SGCD: variants seen among roughly 807,000 people sequenced by gnomAD.
SGCD encodes the protein delta-sarcoglycan.
Under a neutral mutation model 36.6 loss-of-function variants are expected in SGCD, and 18 were observed. The observed-to-expected ratio is 0.49, with a 90% CI of 0.34 to 0.73. The LOEUF is 0.73. Among genes scored for constraint, SGCD ranks in the 30% least tolerant of loss-of-function variants. The probability of loss-of-function intolerance (pLI) is 0.01; values close to 1 mark genes in which losing one functional copy is unlikely to be tolerated. For synonymous variants in SGCD, 133 were observed against 130.6 expected (o/e 1.02, Z -0.12); for missense variants, 387 against 346.7 (o/e 1.12, Z -0.92).
chr5:156,762,822 AGAGGTTTTTGTGG>A lies in SGCD; in HGVS notation c.*3433_*3445del, dbSNP rs1318117577. The A allele has an allele frequency of 6.6e-6, 1 of 152,270 alleles. No individual in the cohort carries two copies. Among genetic ancestry groups the A allele is most frequent in the East Asian group, 1.9e-4 (1 of 5,192 alleles). The allele number at this position is 152,270 out of a possible 1,614,324, so 9.4% of individuals were successfully genotyped here. On this transcript the variant is annotated 3_prime_UTR_variant, in exon 9 of 9. Coordinates refer to ENST00000337851, the MANE Select transcript of SGCD (RefSeq NM_000337.6). Reference sequence around the variant, plus strand: ...GGCAAAGTTTCCTCACCCCTGACCTAGAGGTTTTTGTGGTATGCATTGGATATAGCAGGAAAGA... The same window carrying A: ...GGCAAAGTTTCCTCACCCCTGACCTATATGCATTGGATATAGCAGGAAAGA...
intron 4 of SGCD, among the ~76,000 whole-genome samples, chr5:156,526,522 G>A (rs955808038): frequency 6.6e-6 from 1 of 152,174 alleles, no homozygotes; most frequent in Admixed American, 6.6e-5. Flanking sequence ...ACTGGACCAT[G>A]AAGTATTGCC....
intron 3 of SGCD, among the ~76,000 whole-genome samples, chr5:156,316,922 A>G (rs1255612639): frequency 6.6e-6 from 1 of 152,106 alleles, no homozygotes; most frequent in Admixed American, 6.5e-5. Flanking sequence ...GAGAGGATCC[A>G]TTGAAGAATT....
At chr5:156,140,759 A>G (rs116148470) in intron 3 of SGCD, among the ~76,000 whole-genome samples, 3,616 of 152,332 alleles carry the variant, frequency 0.024, 72 homozygotes, top group Middle Eastern at 0.034. Flanking sequence ...ATAAAAAAGC[A>G]TGTTTAGGAG....
chr5:156,053,445 A>G lies in SGCD; in HGVS notation c.-281-64433A>G, dbSNP rs1046521428. Among the ~76,000 whole-genome samples, 23 of 146,490 alleles carry G rather than the reference A, an allele frequency of 1.6e-4. 1 individual carries two copies. The highest frequency in any genetic ancestry group is 4.9e-4 in the African/African-American group (20 of 40,742). On this transcript the variant is annotated intron_variant, in intron 1 of 9. Transcript: ENST00000517913. ...GTGAGGGGGTGAGAGGCAGGACTAC[A>G]TGTGAGCCAAACTCCAAGCACTCAG...
intron 1 of SGCD, among the ~76,000 whole-genome samples, chr5:155,985,066 G>T (rs575048765): frequency 6.6e-6 from 1 of 152,290 alleles, no homozygotes; most frequent in South Asian, 2.1e-4. Context: ...ATGACCCTGG[G>T]TTAATTGGAT....
chr5:156,100,016 T>A (rs1761483286), intron 1 of SGCD, among the ~76,000 whole-genome samples: 1 of 152,164 alleles, frequency 6.6e-6, no homozygotes, highest in Non-Finnish European at 1.5e-5. Flanking sequence ...AGGCTATATG[T>A]GTATTTTACT....
At chr5:155,980,587 C>CAAAAAAAAA (rs70981994) in intron 1 of SGCD, among the ~76,000 whole-genome samples, 1 of 47,218 alleles carries the variant, frequency 2.1e-5, no homozygotes, top group Non-Finnish European at 3.6e-5. Context: ...GACTCCCTAT[C>CAAAAAAAAA]AAAAAAAAAA....
At chr5:156,408,663 T>C (rs1580944495) in intron 3 of SGCD, among the ~76,000 whole-genome samples, 1 of 152,140 alleles carries the variant, frequency 6.6e-6, no homozygotes, top group East Asian at 1.9e-4. Context: ...CCAGCCCCCA[T>C]GTTGAATTTC....
intron 3 of SGCD, among the ~76,000 whole-genome samples, chr5:156,429,530 G>A (rs1302676708): frequency 6.6e-6 from 1 of 150,650 alleles, no homozygotes; most frequent in African/African-American, 2.4e-5. Flanking sequence ...ATTAAGATGT[G>A]AGGTCCCTTT....
In SGCD at chr5:156,156,653, G is replaced by T. The variant is rs151266596; in HGVS notation, c.-44+32634G>T. Among the ~76,000 whole-genome samples, 102 of 151,352 alleles carry T rather than the reference G, an allele frequency of 6.7e-4. No individual in the cohort carries two copies. In the East Asian group the frequency reaches 7.7e-3, roughly 11 times the overall value. ...AAAATACCAAAAATGCACATACGCA[G>T]CTGTACAGAACACCCCAAACCTATC... On this transcript the variant is annotated intron_variant, in intron 3 of 9. Transcript: ENST00000517913.
At chr5:156,053,726 C>T (rs1486140158) in intron 1 of SGCD, among the ~76,000 whole-genome samples, 1 of 146,082 alleles carries the variant, frequency 6.8e-6, no homozygotes, top group Non-Finnish European at 1.5e-5. Context: ...TTGCAAGATA[C>T]CTTAGTGCAT....
At chr5:156,057,938 G>C (rs1374461271) in intron 1 of SGCD, among the ~76,000 whole-genome samples, 1 of 145,734 alleles carries the variant, frequency 6.9e-6, no homozygotes, top group African/African-American at 2.5e-5. Flanking sequence ...ACATATACAG[G>C]GTATAACTCA....
intron 3 of SGCD, among the ~76,000 whole-genome samples, chr5:156,391,940 A>G (rs567670297): frequency 2.2e-4 from 33 of 152,238 alleles, no homozygotes; most frequent in Admixed American, 1.3e-3. Flanking sequence ...GTTTTAATTC[A>G]TAGTTAATGT....
At chr5:156,468,146 T>G (rs1340626760) in intron 3 of SGCD, among the ~76,000 whole-genome samples, 1 of 151,884 alleles carries the variant, frequency 6.6e-6, no homozygotes, top group Non-Finnish European at 1.5e-5. Flanking sequence ...GCCAAGAGTT[T>G]GAGAGAAGCC....
At chr5:156,105,977 G>A (rs1330680460) in intron 1 of SGCD, among the ~76,000 whole-genome samples, 1 of 151,552 alleles carries the variant, frequency 6.6e-6, no homozygotes, top group Non-Finnish European at 1.5e-5. Flanking sequence ...TGGGTGTGGT[G>A]ACAAGCGCCT....
chr5:156,426,441 G>A (rs904934483), intron 3 of SGCD, among the ~76,000 whole-genome samples: 3 of 151,896 alleles, frequency 2.0e-5, no homozygotes, highest in Non-Finnish European at 4.4e-5. Flanking sequence ...TTGCTCATTT[G>A]AGTTCCTTAT....
At chr5:155,831,440 G>A in the SGCD span, among the ~76,000 whole-genome samples, 2 of 152,186 alleles carry the variant, frequency 1.3e-5, no homozygotes, top group Non-Finnish European at 2.9e-5. Context: ...AGTGGGAAAC[G>A]TAGAAATAAT....
intron 4 of SGCD, among the ~76,000 whole-genome samples, chr5:156,531,414 A>AG (rs1757883483): frequency 6.6e-6 from 1 of 152,246 alleles, no homozygotes. Flanking sequence ...AGTATAATGA[A>AG]AACAGGATTT....
At chr5:155,937,055 G>A (rs1757221948) in intron 1 of SGCD, among the ~76,000 whole-genome samples, 1 of 152,176 alleles carries the variant, frequency 6.6e-6, no homozygotes, top group Non-Finnish European at 1.5e-5. Context: ...CAAGCCTGCG[G>A]GGCCAGGGAA....
Sources: allele counts gnomAD v4.1 joint callset (sites outside exome capture counted in the v4.1 genomes callset), GRCh38; gene constraint gnomAD v4.1.1; transcripts MANE v1.5; gene names NCBI Gene and HGNC (gene_info 2026-07-23, HGNC 2026-07-21).